The following UBE2L6 variants were observed in gnomAD, a reference collection of about 807,000 sequenced individuals.
UBE2L6 encodes the protein ubiquitin conjugating enzyme E2 L6, also known as ubiquitin/ISG15-conjugating enzyme E2 L6.
A neutral mutation model predicts 13.6 loss-of-function variants in UBE2L6; 11 were observed. The observed-to-expected ratio is 0.81, with a 90% CI of 0.51 to 1.34. The LOEUF (loss-of-function observed/expected upper bound fraction) is 1.34. Among genes scored for constraint, UBE2L6 ranks in the 40% most tolerant of loss-of-function variants. The probability of loss-of-function intolerance (pLI) is 0.00; values close to 1 mark genes in which losing one functional copy is unlikely to be tolerated. For synonymous variants in UBE2L6, 74 were observed against 83.2 expected (o/e 0.89, Z 0.60); for missense variants, 197 against 199.5 (o/e 0.99, Z 0.07).
At chr11:57,557,977 G>A (rs551536396) in intron 2 of UBE2L6, among the ~76,000 whole-genome samples, 1 of 152,350 alleles carries the variant, frequency 6.6e-6, no homozygotes, top group South Asian at 2.1e-4. Flanking sequence ...TCTGTAAAAT[G>A]GAGAAGCTGG....
rs373272794 is a variant in UBE2L6 at position 57,567,620 on chromosome 11, C to A, written c.-9G>T. ...CGCATGCTCGCCATCATGTCGGGACCGAGTGTGTGGCACCCGTGGCCTCCA... is the reference window on the plus strand; with the variant it reads ...CGCATGCTCGCCATCATGTCGGGACAGAGTGTGTGGCACCCGTGGCCTCCA... On this transcript the variant is annotated 5_prime_UTR_variant, in exon 1 of 4. Coordinates refer to ENST00000287156, the MANE Select transcript of UBE2L6 (RefSeq NM_004223.5). 189 of 1,607,312 alleles carry A rather than the reference C, an allele frequency of 1.2e-4. No individual in the cohort carries two copies. In the East Asian group the frequency reaches 2.9e-3, roughly 24 times the overall value.
Position 57,552,378 on chromosome 11 carries a change from C to T in UBE2L6, c.442G>A (p.Gly148Arg), listed in dbSNP as rs1327527200. 7 of 1,614,186 alleles carry T rather than the reference C, an allele frequency of 4.3e-6. No individual in the cohort carries two copies. Among genetic ancestry groups the T allele is most frequent in the Non-Finnish European group, 5.9e-6 (7 of 1,180,048 alleles). ...ATGAGTTAGGAGGGCCGGTCCACTCCGAATCGGAGGGTGAACTCTTCGGCA... is the reference window on the plus strand; with the variant it reads ...ATGAGTTAGGAGGGCCGGTCCACTCTGAATCGGAGGGTGAACTCTTCGGCA... ...KNAEEFTLRF[G>R]VDRPS Residue 148 changes from glycine (G) to arginine (R), a missense_variant, in exon 4 of 4, where the codon GGA (glycine) becomes AGA (arginine). Transcript: ENST00000287156.
At chr11:57,554,866 C>T (rs1256220442) in intron 2 of UBE2L6, among the ~76,000 whole-genome samples, 1 of 152,038 alleles carries the variant, frequency 6.6e-6, no homozygotes, top group Non-Finnish European at 1.5e-5. Context: ...ACGGGTGAGC[C>T]ACTTCCCACC....
chr11:57,554,063 T>G (rs373195284), intron 3 of UBE2L6, among the ~76,000 whole-genome samples: 1 of 152,106 alleles, frequency 6.6e-6, no homozygotes, highest in East Asian at 1.9e-4. Context: ...GTGACAGGTA[T>G]TATCATTATG....
intron 3 of UBE2L6, 82 bp from the exon 4 acceptor site, chr11:57,552,591 C>T (rs994269215): frequency 6.5e-7 from 1 of 1,528,328 alleles, no homozygotes; most frequent in African/African-American, 1.4e-5. Context: ...CCTGACACTC[C>T]ACACTCACTC....
chr11:57,558,126 T>C (rs1430926018), intron 2 of UBE2L6, among the ~76,000 whole-genome samples: 1 of 152,244 alleles, frequency 6.6e-6, no homozygotes, highest in Non-Finnish European at 1.5e-5. Flanking sequence ...TCATCCAGGC[T>C]GGAGTGCGAT....
intron 3 of UBE2L6, among the ~76,000 whole-genome samples, chr11:57,554,076 GC>G (rs970045032): frequency 9.2e-5 from 14 of 152,142 alleles, no homozygotes; most frequent in Admixed American, 7.2e-4. Flanking sequence ...TCATTATGAG[GC>G]CAGTTCCCTC....
At chr11:57,565,521 T>C (rs1002755572) in intron 1 of UBE2L6, among the ~76,000 whole-genome samples, 12 of 151,858 alleles carry the variant, frequency 7.9e-5, no homozygotes, top group Non-Finnish European at 1.6e-4. Flanking sequence ...TGTGCTACCA[T>C]GCCCGGCTAA....
At chr11:57,560,585 G>C (rs1327343092) in intron 1 of UBE2L6, 153 bp from the exon 2 acceptor site, 1 of 600,702 alleles carries the variant, frequency 1.7e-6, no homozygotes, top group Non-Finnish European at 3.0e-6. Context: ...TGAGCACTTA[G>C]TATGTATCAG....
chr11:57,563,481 CA>C (rs35614262), intron 1 of UBE2L6, among the ~76,000 whole-genome samples: 19,951 of 115,488 alleles, frequency 0.17, 1,411 homozygotes, highest in Middle Eastern at 0.27. Flanking sequence ...AACTCTGTCT[CA>C]AAAAAAAAAA....
In UBE2L6 at chr11:57,552,581, C is replaced by T. The variant is rs2234411; in HGVS notation, c.311-72G>A. On this transcript the variant is annotated intron_variant, in intron 3 of 3. Coordinates refer to ENST00000287156, the MANE Select transcript of UBE2L6 (RefSeq NM_004223.5). ...AGTCATGGCTGCCCGTTCCCAATGT[C>T]CTGACACTCCACACTCACTCCTTGG... 7.5e-5 allele frequency: 117 copies of T among 1,570,006 alleles called. No homozygotes were observed. In the Admixed American group the frequency reaches 1.4e-3, roughly 19 times the overall value.
intron 1 of UBE2L6, among the ~76,000 whole-genome samples, chr11:57,564,347 A>G (rs1448052567): frequency 6.6e-6 from 1 of 152,252 alleles, no homozygotes; most frequent in African/African-American, 2.4e-5. Flanking sequence ...TTACCCTAGA[A>G]TAGTATATCC....
intron 1 of UBE2L6, chr11:57,566,869 C>A (rs554569737): frequency 2.5e-6 from 1 of 397,396 alleles, no homozygotes; most frequent in Non-Finnish European, 5.1e-6. Flanking sequence ...CCTCCCCATC[C>A]TTCCAGATCT....
intron 1 of UBE2L6, chr11:57,560,654 T>A: frequency 2.4e-6 from 1 of 416,606 alleles, no homozygotes; most frequent in Non-Finnish European, 4.4e-6. Flanking sequence ...AGAGTCTCGC[T>A]CTGTTGCCCA....
chr11:57,565,832 G>A (rs1057317092), intron 1 of UBE2L6, among the ~76,000 whole-genome samples: 1 of 152,112 alleles, frequency 6.6e-6, no homozygotes, highest in Non-Finnish European at 1.5e-5. Flanking sequence ...CAGTAGTGAT[G>A]AGGTTGAGAA....
At chr11:57,553,044 C>T (rs1402445999) in intron 3 of UBE2L6, among the ~76,000 whole-genome samples, 1 of 152,218 alleles carries the variant, frequency 6.6e-6, no homozygotes, top group Non-Finnish European at 1.5e-5. Context: ...CCTCTCCCTG[C>T]TCCCACTCCC....
At chr11:57,554,365 T>A in intron 3 of UBE2L6, 72 bp downstream of exon 3, 1 of 1,532,808 alleles carries the variant, frequency 6.5e-7, no homozygotes. Context: ...AAGCTCAGAA[T>A]AAGCTGTGAA....
At position 57,561,994 on chromosome 11, in the gene UBE2L6, G is replaced by A. The variant is rs573049972; in HGVS notation, c.28-1562C>T. ...ACATTCGGTAATATCTGGGAACATTGTTCCGTTGTCATAAATCGGGAGAGT... is the reference window on the plus strand; with the variant it reads ...ACATTCGGTAATATCTGGGAACATTATTCCGTTGTCATAAATCGGGAGAGT... On this transcript the variant is annotated intron_variant, in intron 1 of 3. Transcript: ENST00000287156. Among the ~76,000 whole-genome samples the A allele has an allele frequency of 5.1e-4, 78 of 152,346 alleles. 1 individual carries two copies. The South Asian group carries it at 0.014, about 27-fold the overall frequency.
Position 57,551,807 on chromosome 11 carries a change from A to G in UBE2L6, c.*551T>C, listed in dbSNP as rs1944961147. The G allele has an allele frequency of 6.5e-6, 1 of 152,766 alleles. No homozygotes were observed. Among genetic ancestry groups the G allele is most frequent in the Admixed American group, 6.5e-5 (1 of 15,326 alleles). 9.5% of individuals were successfully genotyped at this position (152,766 alleles called of 1,614,324 possible). On this transcript the variant is annotated 3_prime_UTR_variant, in exon 4 of 4. Transcript: ENST00000287156. Reference sequence around the variant, plus strand: ...AGGATGGCAAGTGGTTTTGAAACATATAGATTTTCAGGATGGAAGTTTGAT... The same window carrying G: ...AGGATGGCAAGTGGTTTTGAAACATGTAGATTTTCAGGATGGAAGTTTGAT...
Sources: gnomAD v4.1 joint callset for allele counts (sites outside exome capture counted in the v4.1 genomes callset) on GRCh38, gnomAD v4.1.1 for gene constraint, MANE v1.5 for transcripts, NCBI Gene and HGNC (gene_info 2026-07-23, HGNC 2026-07-21) for gene names.